Variants in ADGRL4 observed in about 807,000 individuals in gnomAD.
The protein encoded by ADGRL4 is adhesion G protein-coupled receptor L4, also known as EGF, latrophilin and seven transmembrane domain containing 1.
Under a neutral mutation model 74.8 loss-of-function variants are expected in ADGRL4, and 90 were observed. That is an observed-to-expected ratio of 1.20 (90% CI 1.02 to 1.43). ADGRL4 has a LOEUF of 1.43. Ranked by LOEUF, ADGRL4 falls within the 40% of genes most tolerant of loss-of-function variation. The probability of loss-of-function intolerance (pLI) is 0.00; values close to 1 mark genes in which losing one functional copy is unlikely to be tolerated. For missense variants in ADGRL4, 881 were observed against 814.3 expected, an observed-to-expected ratio of 1.08 and a Z score of -1.00; for synonymous variants, 311 against 279.2, an observed-to-expected ratio of 1.11 and a Z score of -1.14.
chr1:78,891,233 G>C lies in ADGRL4; in HGVS notation c.2011-17C>G, dbSNP rs756548124. 2.5e-6 allele frequency: 4 copies of C among 1,585,022 alleles called. No individual in the cohort carries two copies. The South Asian group carries it at 4.6e-5, about 18-fold the overall frequency. ...TTCTTGAATCTAAAAATTAAAAAAA[G>C]GAAAGGAAGAAATGTTAATCATAAC... On this transcript the variant is annotated splice_polypyrimidine_tract_variant and intron_variant, in intron 14 of 14. Coordinates refer to ENST00000370742, the MANE Select transcript of ADGRL4 (RefSeq NM_022159.4).
intron 2 of ADGRL4, among the ~76,000 whole-genome samples, chr1:78,972,005 T>C (rs1650178690): frequency 6.6e-6 from 1 of 152,184 alleles, no homozygotes; most frequent in South Asian, 2.1e-4. Flanking sequence ...TGCACCTGCC[T>C]CAGCCTCCCA....
At chr1:78,956,617 C>T (rs188752764) in intron 2 of ADGRL4, among the ~76,000 whole-genome samples, 93 of 152,192 alleles carry the variant, frequency 6.1e-4, no homozygotes, top group African/African-American at 2.1e-3. Flanking sequence ...TTATGCAAAA[C>T]CAGGTTGCTC....
intron 2 of ADGRL4, among the ~76,000 whole-genome samples, chr1:78,963,587 A>G (rs1649997463): frequency 6.6e-6 from 1 of 152,242 alleles, no homozygotes; most frequent in Non-Finnish European, 1.5e-5. Context: ...TCCAGATCAA[A>G]TATGACATTT....
chr1:78,940,803 G>A (rs1649460162), intron 3 of ADGRL4, among the ~76,000 whole-genome samples: 1 of 152,048 alleles, frequency 6.6e-6, no homozygotes, highest in Admixed American at 6.6e-5. Flanking sequence ...CTTAAATGCA[G>A]GTGTTCGTAA....
intron 2 of ADGRL4, among the ~76,000 whole-genome samples, chr1:78,951,412 G>T (rs1649719979): frequency 6.6e-6 from 1 of 152,082 alleles, no homozygotes; most frequent in African/African-American, 2.4e-5. Flanking sequence ...ACATGGTTCA[G>T]CCCAACTTGC....
At chr1:78,970,550 CAAGGACAGA>C (rs1401396366) in intron 2 of ADGRL4, among the ~76,000 whole-genome samples, 1 of 152,138 alleles carries the variant, frequency 6.6e-6, no homozygotes, top group Non-Finnish European at 1.5e-5. Context: ...CTCAGGAATG[CAAGGACAGA>C]AGAGGGAAAA....
intron 3 of ADGRL4, among the ~76,000 whole-genome samples, chr1:78,942,444 T>TA (rs1383311518): frequency 1.3e-5 from 2 of 152,248 alleles, no homozygotes; most frequent in East Asian, 3.9e-4. Flanking sequence ...CCAAATCTAT[T>TA]AAAAAAGAAA....
chr1:78,944,564 G>T (rs1048484458), intron 3 of ADGRL4, among the ~76,000 whole-genome samples: 3 of 152,094 alleles, frequency 2.0e-5, no homozygotes, highest in Non-Finnish European at 4.4e-5. Flanking sequence ...TAATAGCATT[G>T]TTTTCTCATA....
At chr1:78,944,829 C>G (rs771295757) in intron 3 of ADGRL4, among the ~76,000 whole-genome samples, 1 of 151,932 alleles carries the variant, frequency 6.6e-6, no homozygotes, top group African/African-American at 2.4e-5. Context: ...TGTTGTGAAG[C>G]GTAGGTACAT....
chr1:78,940,468 A>G (rs187961022), intron 3 of ADGRL4, among the ~76,000 whole-genome samples: 84 of 152,226 alleles, frequency 5.5e-4, no homozygotes, highest in African/African-American at 1.8e-3. Context: ...AAGCTTACAT[A>G]GTATATATTC....
At chr1:78,926,557 T>C (rs1649118284) in intron 8 of ADGRL4, among the ~76,000 whole-genome samples, 1 of 151,980 alleles carries the variant, frequency 6.6e-6, no homozygotes, top group Admixed American at 6.6e-5. Flanking sequence ...GTGACATTTA[T>C]TTCTCTGATT....
intron 7 of ADGRL4, among the ~76,000 whole-genome samples, chr1:78,934,433 C>A (rs1649311166): frequency 6.6e-6 from 1 of 152,054 alleles, no homozygotes; most frequent in African/African-American, 2.4e-5. Context: ...AATGTAAAAC[C>A]CAAAACCATA....
intron 2 of ADGRL4, among the ~76,000 whole-genome samples, chr1:78,972,323 A>G (rs1440869965): frequency 6.6e-6 from 1 of 152,206 alleles, no homozygotes; most frequent in African/African-American, 2.4e-5. Context: ...AGGAATCTCC[A>G]GTAAAGCAAC....
At chr1:78,998,290 A>G (rs1312769312) in intron 2 of ADGRL4, among the ~76,000 whole-genome samples, 2 of 136,956 alleles carry the variant, frequency 1.5e-5, no homozygotes, top group Non-Finnish European at 3.1e-5. Flanking sequence ...CTTGATGGAG[A>G]TTGATGAACA....
In ADGRL4 at chr1:78,921,631, C is replaced by T; in HGVS notation, c.1239G>A (p.Met413Ile). 6.4e-7 allele frequency: 1 copy of T among 1,573,984 alleles called. No homozygotes were observed. The highest frequency in any genetic ancestry group is 8.6e-7 in the Non-Finnish European group (1 of 1,161,686). Residue 413 changes from methionine (M) to isoleucine (I), a missense_variant, in exon 9 of 15, where the codon ATG (methionine) becomes ATA (isoleucine). By Grantham distance (10) the Met-to-Ile change is conservative. Coordinates refer to ENST00000370742, the MANE Select transcript of ADGRL4 (RefSeq NM_022159.4). ...ATCTTACAATGGAAGGACCAGAGGA[C>T]ATCAAAATTGCAAAATGTGTCAGGT... is the stretch of plus-strand genomic sequence containing the variant. ...CNHLTHFAIL[M>I]SSGPSIGIKD...
At chr1:78,988,808 CT>C (rs1650547311) in intron 2 of ADGRL4, among the ~76,000 whole-genome samples, 1 of 151,830 alleles carries the variant, frequency 6.6e-6, no homozygotes, top group African/African-American at 2.4e-5. Context: ...CCAAATTCGT[CT>C]TTAAAACAAA....
Position 78,946,409 on chromosome 1 carries a change from T to A in ADGRL4, c.190A>T (p.Asn64Tyr). Residue 64 changes from asparagine to tyrosine, a missense_variant, in exon 3 of 15, where the codon AAT (asparagine) becomes TAT (tyrosine). Asn to Tyr is a moderately radical substitution (Grantham distance 143). Coordinates refer to ENST00000370742, the MANE Select transcript of ADGRL4 (RefSeq NM_022159.4). Reference protein sequence around the residue: ...TICEDDNECGNLTQSCGENAN... With the variant: ...TICEDDNECGYLTQSCGENAN... ...TTTTCGCCACAGGACTGAGTTAAATTTCCACATTCATTATCATCTGTTGGC... is the reference window on the plus strand; with the variant it reads ...TTTTCGCCACAGGACTGAGTTAAATATCCACATTCATTATCATCTGTTGGC... 5 of 1,610,370 alleles carry A rather than the reference T, an allele frequency of 3.1e-6. No individual in the cohort carries two copies. The highest frequency in any genetic ancestry group is 4.2e-6 in the Non-Finnish European group (5 of 1,178,510).
intron 2 of ADGRL4, among the ~76,000 whole-genome samples, chr1:78,966,004 AC>A (rs1258026069): frequency 5.3e-5 from 8 of 151,450 alleles, no homozygotes; most frequent in Non-Finnish European, 7.4e-5. Context: ...AAAAAAAAAA[AC>A]AAAAACAAAA....
intron 2 of ADGRL4, among the ~76,000 whole-genome samples, chr1:79,004,600 G>T (rs74489218): frequency 0.047 from 7,077 of 152,058 alleles, 557 homozygotes; most frequent in African/African-American, 0.16. Flanking sequence ...TATGCCCAGG[G>T]TATGCATGAG....
Sources: gnomAD v4.1 joint callset for allele counts (sites outside exome capture counted in the v4.1 genomes callset) on GRCh38, gnomAD v4.1.1 for gene constraint, MANE v1.5 for transcripts, NCBI Gene and HGNC (gene_info 2026-07-23, HGNC 2026-07-21) for gene names.